The following ANOS1 variants were observed in gnomAD, a reference collection of about 807,000 sequenced individuals.
The protein encoded by ANOS1 is anosmin-1.
Under a neutral mutation model 59.0 loss-of-function variants are expected in ANOS1, and 6 were observed. That is an observed-to-expected ratio of 0.10 (90% CI 0.06 to 0.20). The LOEUF (loss-of-function observed/expected upper bound fraction) is 0.20, where lower values mean the gene tolerates loss of function less well. ANOS1 is among the 10% of genes least tolerant of loss of function. The pLI is 1.00. For missense variants in ANOS1, 433 were observed against 542.3 expected (o/e 0.80, Z 2.00); for synonymous variants, 217 against 223.4 (o/e 0.97, Z 0.25).
chrX:8,668,394 C>CAT (rs202229567), intron 2 of ANOS1, among the ~76,000 whole-genome samples: 3,389 of 51,316 alleles, frequency 0.066, 131 homozygotes, highest in Non-Finnish European at 0.078. Context: ...AGTATTCCAT[C>CAT]ATATATATAT....
chrX:8,660,660 C>T (rs1602009926), intron 2 of ANOS1, among the ~76,000 whole-genome samples: 1 of 111,410 alleles, frequency 9.0e-6, no homozygotes, highest in East Asian at 2.8e-4. Context: ...AGACTTTAAC[C>T]CAAAACTATG....
At chrX:8,614,190 T>A (rs1003003990) in intron 3 of ANOS1, among the ~76,000 whole-genome samples, 11 of 111,317 alleles carry the variant, frequency 9.9e-5, no homozygotes, top group Admixed American at 1.9e-4. Context: ...GCTCCATGTA[T>A]CTCTGACCTC....
At chrX:8,695,987 C>G (rs752371258) in intron 2 of ANOS1, among the ~76,000 whole-genome samples, 1 of 112,014 alleles carries the variant, frequency 8.9e-6, no homozygotes, top group Admixed American at 9.5e-5. Flanking sequence ...TAATTTCACT[C>G]ACACACAATT....
intron 2 of ANOS1, among the ~76,000 whole-genome samples, chrX:8,691,887 T>C (rs189007880): frequency 4.2e-4 from 47 of 112,577 alleles, no homozygotes; most frequent in African/African-American, 1.5e-3. Flanking sequence ...AGTTTTTTTT[T>C]CACTATTGTT....
At chrX:8,731,325 C>G (rs1418229174) in intron 1 of ANOS1, among the ~76,000 whole-genome samples, 1 of 111,895 alleles carries the variant, frequency 8.9e-6, no homozygotes, top group Non-Finnish European at 1.9e-5. Flanking sequence ...TCTGAGCCCT[C>G]AGAGAGTGAA....
intron 2 of ANOS1, among the ~76,000 whole-genome samples, chrX:8,629,368 G>C (rs1185430091): frequency 1.8e-5 from 2 of 112,140 alleles, no homozygotes; most frequent in Non-Finnish European, 3.8e-5. Context: ...AATTGGGATT[G>C]AACCCATGCT....
At chrX:8,534,733 T>C (rs765565459) in intron 12 of ANOS1, among the ~76,000 whole-genome samples, 1 of 111,328 alleles carries the variant, frequency 9.0e-6, no homozygotes, top group Non-Finnish European at 1.9e-5. Context: ...CAGGGCTCAC[T>C]CCTGGGATTT....
At chrX:8,618,456 C>T (rs1049608822) in intron 3 of ANOS1, among the ~76,000 whole-genome samples, 6 of 111,911 alleles carry the variant, frequency 5.4e-5, no homozygotes, top group Middle Eastern at 4.6e-3. Flanking sequence ...GAATCAGAAA[C>T]GTCAAAGTCA....
chrX:8,638,235 T>C (rs182528296), intron 2 of ANOS1, among the ~76,000 whole-genome samples: 3 of 112,575 alleles, frequency 2.7e-5, no homozygotes, highest in Non-Finnish European at 3.7e-5. Flanking sequence ...GCAACTAAGA[T>C]GATACATGTG....
At chrX:8,553,632 A>C (rs984628203) in intron 9 of ANOS1, among the ~76,000 whole-genome samples, 5 of 111,771 alleles carry the variant, frequency 4.5e-5, no homozygotes, top group Admixed American at 2.9e-4. Context: ...TGGATCTTTA[A>C]AAAATAATAA....
chrX:8,664,024 G>A (rs111765780), intron 2 of ANOS1, among the ~76,000 whole-genome samples: 6,620 of 110,370 alleles, frequency 0.06, 530 homozygotes, highest in African/African-American at 0.21. Context: ...ACAGGGAGGG[G>A]AACACACACT....
intron 2 of ANOS1, among the ~76,000 whole-genome samples, chrX:8,657,268 C>G (rs775167362): frequency 8.9e-6 from 1 of 112,075 alleles, no homozygotes; most frequent in African/African-American, 3.2e-5. Context: ...CTAGACTCTA[C>G]CCTGTGAACT....
At chrX:8,666,700 A>C (rs976676078) in intron 2 of ANOS1, among the ~76,000 whole-genome samples, 10 of 112,363 alleles carry the variant, frequency 8.9e-5, no homozygotes, top group Admixed American at 2.8e-4. Context: ...ATGCCCAAGA[A>C]GCAAAAATGG....
intron 3 of ANOS1, among the ~76,000 whole-genome samples, chrX:8,598,513 C>T (rs1316062414): frequency 9.0e-6 from 1 of 111,502 alleles, no homozygotes. Flanking sequence ...GGGAAGGATG[C>T]TCTCTGTGCT....
intron 2 of ANOS1, among the ~76,000 whole-genome samples, chrX:8,673,369 C>A (rs923372268): frequency 9.3e-6 from 1 of 107,422 alleles, no homozygotes; most frequent in African/African-American, 3.4e-5. Flanking sequence ...TTTTATGCAA[C>A]ATGACGCTGC....
intron 6 of ANOS1, among the ~76,000 whole-genome samples, chrX:8,578,317 T>TA (rs3057370): frequency 0.37 from 36,412 of 98,107 alleles, 5,336 homozygotes; most frequent in Middle Eastern, 0.45. Flanking sequence ...CCTTCTCCCT[T>TA]AAAAAAAAAA....
At chrX:8,577,628 A>T (rs1223777190) in intron 6 of ANOS1, among the ~76,000 whole-genome samples, 2 of 112,374 alleles carry the variant, frequency 1.8e-5, no homozygotes, top group Non-Finnish European at 3.8e-5. Flanking sequence ...CCTTTTATTG[A>T]TGATCACATG....
intron 4 of ANOS1, among the ~76,000 whole-genome samples, chrX:8,588,515 G>T (rs2041152845): frequency 8.9e-6 from 1 of 111,834 alleles, no homozygotes; most frequent in African/African-American, 3.2e-5. Context: ...CTCTTCATGT[G>T]AAATCTCCTA....
At chrX:8,633,252 G>A (rs1427391998) in intron 2 of ANOS1, among the ~76,000 whole-genome samples, 1 of 111,544 alleles carries the variant, frequency 9.0e-6, no homozygotes, top group East Asian at 2.8e-4. Context: ...CTCTCTCACT[G>A]CGAAACTTAT....
Sources: allele counts gnomAD v4.1 joint callset (sites outside exome capture counted in the v4.1 genomes callset), GRCh38; gene constraint gnomAD v4.1.1; transcripts MANE v1.5; gene names NCBI Gene and HGNC (gene_info 2026-07-23, HGNC 2026-07-21).